CROCC: variants seen among roughly 807,000 people sequenced by gnomAD.
CROCC encodes the protein rootletin.
A neutral mutation model predicts 245.2 loss-of-function variants in CROCC; 180 were observed. The ratio of observed to expected loss-of-function variants is 0.73; its 90% CI spans 0.65 to 0.83. The LOEUF (loss-of-function observed/expected upper bound fraction) is 0.83. Ranked by LOEUF, CROCC falls within the 40% of genes least tolerant of loss-of-function variation. The probability of loss-of-function intolerance (pLI) is 0.00; values close to 1 mark genes in which losing one functional copy is unlikely to be tolerated. For synonymous variants in CROCC, 1,205 were observed against 1,241.6 expected (o/e 0.97, Z 0.62); for missense variants, 2,688 against 2,779.4 (o/e 0.97, Z 0.74).
chr1:16,938,466 CT>C lies in CROCC; in HGVS notation c.1358del (p.Leu453GlnfsTer18), dbSNP rs2075841748. 4 of 1,578,030 alleles carry C rather than the reference CT, an allele frequency of 2.5e-6. No homozygotes were observed. Among genetic ancestry groups the C allele is most frequent in the Non-Finnish European group, 3.4e-6 (4 of 1,162,694 alleles). ...TEDGEGLQQTLRDLAQAVLSD... is the reference protein window; with the variant it reads ...TEDGEGLQQTXRDLAQAVLSD... ...GGATGGAGAGGGGCTACAGCAGACC[CT>C]AAGGGACCTGGCACAGGTGTGAGCC... is the stretch of plus-strand genomic sequence containing the variant. On this transcript the variant is annotated frameshift_variant, in exon 11 of 37. Coordinates refer to ENST00000375541, the MANE Select transcript of CROCC (RefSeq NM_014675.5). LOFTEE classifies it high-confidence loss of function.
At chr1:16,944,404 C>G (rs6663017) in intron 14 of CROCC, 122 bp downstream of exon 14, 1 of 1,085,384 alleles carries the variant, frequency 9.2e-7, no homozygotes, top group African/African-American at 1.6e-5. Flanking sequence ...TGGACCCCTC[C>G]GATGTCGGGT....
chr1:16,970,928 C>T (rs2076507116), intron 35 of CROCC, 161 bp downstream of exon 35: 2 of 796,396 alleles, frequency 2.5e-6, no homozygotes, highest in African/African-American at 1.7e-5. Context: ...GATGGGTTCT[C>T]CCTAAGGTGT....
At chr1:16,970,871 T>C (rs2100563750) in intron 35 of CROCC, 104 bp downstream of exon 35, 2 of 1,330,932 alleles carry the variant, frequency 1.5e-6, no homozygotes, top group South Asian at 1.7e-5. Context: ...CATAACCCCC[T>C]CCCCCAGGAG....
At chr1:16,923,707 G>T (rs1440658133) in intron 2 of CROCC, among the ~76,000 whole-genome samples, 2 of 122,344 alleles carry the variant, frequency 1.6e-5, no homozygotes, top group African/African-American at 3.3e-5. Flanking sequence ...TTGAGACAGA[G>T]TCTCGCTGTG....
At position 16,960,747 on chromosome 1, in the gene CROCC, C is replaced by T. The variant is rs530454837; in HGVS notation, c.4033-11C>T. 8.1e-5 allele frequency: 122 copies of T among 1,507,078 alleles called. 1 individual carries two copies. The South Asian group carries it at 1.4e-3, about 17-fold the overall frequency. 93.4% of individuals were successfully genotyped at this position (1,507,078 alleles called of 1,614,324 possible). A position where few individuals can be genotyped will look rare whatever the true frequency, so the allele number is the denominator to read the frequency against. The stretch of plus-strand genomic sequence containing the variant: ...GGTCTTGCCGACCTCCACCTCCTGG[C>T]ATCACTCCAGCTCCAGGTAGCCCAG... On this transcript the variant is annotated splice_polypyrimidine_tract_variant and intron_variant, in intron 26 of 36. Coordinates refer to ENST00000375541, the MANE Select transcript of CROCC (RefSeq NM_014675.5).
chr1:16,917,331 C>A (rs1388165239), upstream of CROCC, among the ~76,000 whole-genome samples: 1 of 152,282 alleles, frequency 6.6e-6, no homozygotes, highest in Non-Finnish European at 1.5e-5. Flanking sequence ...GGGCCTGGCT[C>A]GTGGTTGGTT....
At chr1:16,940,142 T>G in intron 13 of CROCC, 49 bp downstream of exon 13, 1 of 1,546,442 alleles carries the variant, frequency 6.5e-7, no homozygotes, top group Non-Finnish European at 8.7e-7. Context: ...AGTCACCGTC[T>G]GGGCATAACA....
At chr1:16,924,939 C>A (rs1254141894) in intron 3 of CROCC, among the ~76,000 whole-genome samples, 3 of 152,274 alleles carry the variant, frequency 2.0e-5, no homozygotes, top group Non-Finnish European at 2.9e-5. Flanking sequence ...AGCCACAAGA[C>A]CTGCCGCCAC....
Position 16,946,779 on chromosome 1 carries a change from G to C in CROCC, c.2302G>C (p.Ala768Pro). The change falls in exon 17 of 37, where the codon GCC becomes CCC. Residue 768 changes from alanine to proline, a missense_variant. Coordinates refer to ENST00000375541, the MANE Select transcript of CROCC (RefSeq NM_014675.5). The stretch of plus-strand genomic sequence containing the variant: ...CCTCCAGCTGGAGGAAGAAAAGTCC[G>C]CCCTGCAGGGCCGGCAACGGCAGGC... ...LVAQLEEEKS[A>P]LQGRQRQAEQ... 6.4e-7 allele frequency: 1 copy of C among 1,551,650 alleles called. No individual in the cohort carries two copies. Among genetic ancestry groups the C allele is most frequent in the East Asian group, 2.4e-5 (1 of 40,962 alleles).
rs1388333168 is a variant in CROCC, at chr1:16,956,133, G to C, written c.3841G>C (p.Glu1281Gln). 6.5e-7 allele frequency: 1 copy of C among 1,546,230 alleles called. No homozygotes were observed. Among genetic ancestry groups the C allele is most frequent in the Admixed American group, 2.0e-5 (1 of 50,734 alleles). The change falls in exon 25 of 37, where the codon GAG (glutamate) becomes CAG (glutamine). Residue 1281 changes from glutamate to glutamine, a missense_variant. Glu to Gln is a conservative substitution (Grantham distance 29). Around this residue, in one of 9 missense-constraint regions of CROCC, gnomAD observed 1,218 missense variants for 1,286.3 expected, o/e 0.95. Transcript: ENST00000375541. ...VERSRLEARRELQELRRQMKM... is the reference protein window; with the variant it reads ...VERSRLEARRQLQELRRQMKM... Reference sequence around the variant, plus strand: ...GCGCTCACGGCTGGAGGCTCGGCGGGAGCTGCAGGAGCTCCGGCGTCAGGT... The same window carrying C: ...GCGCTCACGGCTGGAGGCTCGGCGGCAGCTGCAGGAGCTCCGGCGTCAGGT...
At chr1:16,945,647 A>G (rs2076029153) in intron 15 of CROCC, 41 bp downstream of exon 15, 1 of 1,589,976 alleles carries the variant, frequency 6.3e-7, no homozygotes, top group African/African-American at 1.3e-5. Flanking sequence ...CCTACCTCTG[A>G]CCCCCAGCCC....
rs1197217720 is a variant in CROCC at position 16,946,375 on chromosome 1, C to T, written c.2253C>T (p.Asp751=). 1.2e-6 allele frequency: 2 copies of T among 1,612,782 alleles called. No individual in the cohort carries two copies. Among genetic ancestry groups the T allele is most frequent in the South Asian group, 1.1e-5 (1 of 90,992 alleles). ...CCCTCAACGAGAGCCTTGCTCAGGA[C>T]AAGTTGGATCTGAACCGCCTTGTCG... The part of the protein sequence containing the change: ...LSALNESLAQ[D]KLDLNRLVAQ... The change falls in exon 16 of 37, where the codon GAC becomes GAT. Residue 751 remains aspartate, a synonymous_variant. Coordinates refer to ENST00000375541, the MANE Select transcript of CROCC (RefSeq NM_014675.5).
chr1:16,954,601 G>A lies in CROCC; in HGVS notation c.3322-133G>A. On this transcript the variant is annotated intron_variant, in intron 22 of 36. Coordinates refer to ENST00000375541, the MANE Select transcript of CROCC (RefSeq NM_014675.5). This position sits in a 1 kb window ranked among gnomAD's most constrained non-coding sequence, Gnocchi z 4.4. The stretch of plus-strand genomic sequence containing the variant: ...AGCACTCACTATGCATCCAGGGGTT[G>A]GCAGAGGGTCCGGCAGGCCAGCGGG... 2 of 1,276,440 alleles carry A rather than the reference G, an allele frequency of 1.6e-6. No individual in the cohort carries two copies. Among genetic ancestry groups the A allele is most frequent in the East Asian group, 5.1e-5 (2 of 39,032 alleles). The allele number at this position is 1,276,440 out of a possible 1,614,324, so 79.1% of individuals were successfully genotyped here. A position where few individuals can be genotyped will look rare whatever the true frequency, so the allele number is the denominator to read the frequency against.
intron 13 of CROCC, 97 bp from the exon 14 acceptor site, chr1:16,944,003 T>A (rs9435717): frequency 4.0e-6 from 5 of 1,251,698 alleles, no homozygotes; most frequent in African/African-American, 3.0e-5. Flanking sequence ...CTTGGAAGAC[T>A]GGAGGATGTA....
At chr1:16,921,874 C>T (rs1229732885), upstream of CROCC, 5 of 789,344 alleles carry the variant, frequency 6.3e-6, no homozygotes, top group South Asian at 1.7e-5. Flanking sequence ...CTCCTCCCAC[C>T]GCGGTGGTCA....
At position 16,942,819 on chromosome 1, in the gene CROCC, T is replaced by G. The variant is rs1369932271; in HGVS notation, c.1809-1281T>G. On this transcript the variant is annotated intron_variant, in intron 13 of 36. Coordinates refer to ENST00000375541, the MANE Select transcript of CROCC (RefSeq NM_014675.5). ...TCTGCTATTTTTACTTAACAGCACA[T>G]TGTCGACTGAGCGAGGTGGCTCACA... Among the ~76,000 whole-genome samples, 3 of 152,398 alleles carry G rather than the reference T, an allele frequency of 2.0e-5. No individual in the cohort carries two copies. In the East Asian group the frequency reaches 5.8e-4, roughly 29 times the overall value.
chr1:16,967,179 C>T (rs2076432236), intron 30 of CROCC, among the ~76,000 whole-genome samples: 1 of 152,190 alleles, frequency 6.6e-6, no homozygotes. Context: ...CAGGGTGACA[C>T]ACACAGGCTC....
intron 3 of CROCC, among the ~76,000 whole-genome samples, chr1:16,927,991 A>C (rs1373903122): frequency 6.6e-6 from 1 of 152,264 alleles, no homozygotes; most frequent in Non-Finnish European, 1.5e-5. Flanking sequence ...TGGCTCATAG[A>C]ACATCTCTCA....
At chr1:16,922,550 G>A in intron 1 of CROCC, 113 bp from the exon 2 acceptor site, 2 of 1,424,180 alleles carry the variant, frequency 1.4e-6, no homozygotes, top group Non-Finnish European at 9.4e-7. Context: ...ACTCCATCTT[G>A]AGGGGGCTCC....
Sources: gnomAD v4.1 joint callset for allele counts (sites outside exome capture counted in the v4.1 genomes callset) on GRCh38, gnomAD v4.1.1 for gene constraint, gnomAD v4.1.1 regional missense constraint, Gnocchi (gnomAD v3.1) non-coding constraint, MANE v1.5 for transcripts, NCBI Gene and HGNC (gene_info 2026-07-23, HGNC 2026-07-21) for gene names.